Variants in ALG8 observed in about 807,000 individuals in gnomAD.
ALG8 encodes the protein dolichyl pyrophosphate Glc1Man9GlcNAc2 alpha-1,3-glucosyltransferase.
ALG8 carries 48 observed loss-of-function variants against 70.2 expected under a neutral mutation model. That is an observed-to-expected ratio of 0.68 (90% confidence interval 0.54 to 0.87). ALG8 has a LOEUF of 0.87. Ranked by LOEUF, ALG8 falls within the 40% of genes least tolerant of loss-of-function variation. ALG8 has a pLI of 0.00. For synonymous variants in ALG8, 234 were observed against 229.0 expected (o/e 1.02, Z -0.20); for missense variants, 572 against 608.7 (o/e 0.94, Z 0.64).
At chr11:78,128,297 C>A (rs1447234976) in intron 1 of ALG8, among the ~76,000 whole-genome samples, 1 of 152,164 alleles carries the variant, frequency 6.6e-6, no homozygotes, top group East Asian at 1.9e-4. Flanking sequence ...TAGAACAGTA[C>A]CTGACGCATG....
rs1267965436 is a variant in ALG8 at position 78,119,236 on chromosome 11, C to G, written c.492G>C (p.Gln164His). Reference protein sequence around the residue: ...GLLIVDHIHFQYNGFLFGLML... With the variant: ...GLLIVDHIHFHYNGFLFGLML... ...TTAATCCAAATAAAAAGCCATTGTA[C>G]TGAAAATGAATATCTGGACTTAGGT... Residue 164 changes from glutamine to histidine, a missense_variant, in exon 5 of 13, where the codon CAG becomes CAC. Transcript: ENST00000299626. The G allele has an allele frequency of 2.5e-6, 4 of 1,611,192 alleles. No individual in the cohort carries two copies. The East Asian group carries it at 6.7e-5, about 27-fold the overall frequency.
chr11:78,107,839 CA>C (rs59453362), intron 9 of ALG8: 34,112 of 77,678 alleles, frequency 0.44, 4,543 homozygotes, highest in Middle Eastern at 0.57. Context: ...GAGACTGTCT[CA>C]AAAAAAAAAA....
intron 10 of ALG8, among the ~76,000 whole-genome samples, chr11:78,106,441 C>G (rs1033899765): frequency 1.3e-5 from 2 of 152,196 alleles, no homozygotes; most frequent in African/African-American, 4.8e-5. Context: ...TCGTGATCTG[C>G]CCGCCTTGGC....
intron 2 of ALG8, among the ~76,000 whole-genome samples, chr11:78,125,778 C>T (rs546925316): frequency 7.8e-4 from 119 of 152,054 alleles, no homozygotes; most frequent in Admixed American, 1.8e-3. Context: ...CATTGCACTC[C>T]GGCCTGGGTG....
intron 7 of ALG8, 25 bp downstream of exon 7, chr11:78,113,861 G>GAAAAAAAAAAAAAAAAAAAAAAAA: frequency 1.6e-6 from 2 of 1,241,918 alleles, no homozygotes; most frequent in African/African-American, 2.1e-5. Flanking sequence ...TGTATTAATT[G>GAAAAAAAAAAAAAAAAAAAAAAAA]AAAAAAAAAA....
chr11:78,114,475 G>T (rs751144395), intron 5 of ALG8, 83 bp from the exon 6 acceptor site: 50 of 1,525,462 alleles, frequency 3.3e-5, no homozygotes, highest in Non-Finnish European at 4.3e-5. Flanking sequence ...TTGAATCCTG[G>T]AACAGAACAA....
intron 1 of ALG8, among the ~76,000 whole-genome samples, chr11:78,134,719 T>G (rs1861467995): frequency 6.6e-6 from 1 of 152,236 alleles, no homozygotes; most frequent in South Asian, 2.1e-4. Flanking sequence ...TGCTCATCCA[T>G]GAGAAGTAAC....
At chr11:78,123,600 T>C (rs183596283) in intron 3 of ALG8, among the ~76,000 whole-genome samples, 1 of 152,220 alleles carries the variant, frequency 6.6e-6, no homozygotes, top group African/African-American at 2.4e-5. Flanking sequence ...AAAGCAGACT[T>C]TGGTGGTTAG....
rs143596615 is a variant in ALG8, at chr11:78,117,019, C to T, written c.546+2163G>A. On this transcript the variant is annotated intron_variant, in intron 5 of 12. Transcript: ENST00000299626. ...GCATCCAACAAATATTCATTGAACA[C>T]CAGTTATATTCTAATTACTATGAAG... Among the ~76,000 whole-genome samples the T allele has an allele frequency of 5.9e-5, 9 of 152,234 alleles. No individual in the cohort carries two copies. The South Asian group carries it at 1.7e-3, about 28-fold the overall frequency.
At chr11:78,119,457 C>G (rs774033594) in intron 4 of ALG8, among the ~76,000 whole-genome samples, 6 of 131,312 alleles carry the variant, frequency 4.6e-5, no homozygotes, top group Non-Finnish European at 6.2e-5. Context: ...GAGATGGAGT[C>G]TCACTCTGTC....
chr11:78,105,121 C>A (rs950579217), intron 10 of ALG8, among the ~76,000 whole-genome samples: 1 of 152,292 alleles, frequency 6.6e-6, no homozygotes, highest in South Asian at 2.1e-4. Context: ...CAATGCCCTT[C>A]ACCTGCTGGT....
intron 10 of ALG8, among the ~76,000 whole-genome samples, chr11:78,106,322 C>T (rs983530745): frequency 6.6e-6 from 1 of 152,020 alleles, no homozygotes; most frequent in East Asian, 1.9e-4. Context: ...CTCAGCCTCC[C>T]GAGTAGCTGG....
At chr11:78,104,316 G>C (rs1373067546) in intron 11 of ALG8, 40 bp downstream of exon 11, 1 of 1,506,908 alleles carries the variant, frequency 6.6e-7, no homozygotes, top group Non-Finnish European at 9.0e-7. Flanking sequence ...TGAAAAGGTT[G>C]TGATAGTCAA....
In ALG8 at chr11:78,118,242, G is replaced by A. The variant is rs112659788; in HGVS notation, c.546+940C>T. 7.4e-3 allele frequency among the ~76,000 whole-genome samples: 1,134 copies of A among 152,230 alleles called. 8 individuals carry two copies. The highest frequency in any genetic ancestry group is 0.026 in the African/African-American group (1,092 of 41,552). On this transcript the variant is annotated intron_variant, in intron 5 of 12. Coordinates refer to ENST00000299626, the MANE Select transcript of ALG8 (RefSeq NM_024079.5). ...TAATCTTCATGCTGCTGACAGTAAA[G>A]TATCACTATCATAGTTATTATATTG...
chr11:78,130,025 C>G (rs550834306), intron 1 of ALG8, among the ~76,000 whole-genome samples: 1 of 151,968 alleles, frequency 6.6e-6, no homozygotes, highest in African/African-American at 2.4e-5. Flanking sequence ...AACAAAAATT[C>G]AAAAACAGGC....
chr11:78,122,025 C>T (rs904937877), intron 3 of ALG8, among the ~76,000 whole-genome samples: 2 of 152,026 alleles, frequency 1.3e-5, no homozygotes, highest in East Asian at 1.9e-4. Flanking sequence ...GATTAGTATA[C>T]GTGGGGGAGT....
At chr11:78,107,886 C>T (rs1860116814) in intron 9 of ALG8, 2 of 152,416 alleles carry the variant, frequency 1.3e-5, no homozygotes, top group African/African-American at 4.9e-5. Context: ...GTGACTCACG[C>T]CTGTAATCCC....
chr11:78,121,326 T>C (rs606459), intron 3 of ALG8, 152 bp from the exon 4 acceptor site: 4 of 672,320 alleles, frequency 5.9e-6, no homozygotes, highest in Admixed American at 4.8e-5. Context: ...TTTCTTTTTT[T>C]AGAAGGGATG....
rs537331382 is a variant in ALG8, at chr11:78,105,897, T to A, written c.1178+910A>T. On this transcript the variant is annotated intron_variant, in intron 10 of 12. Coordinates refer to ENST00000299626, the MANE Select transcript of ALG8 (RefSeq NM_024079.5). Reference sequence around the variant, plus strand: ...CTAATTTTTGTATTTTTAGTAGAGATGGGATTTTGCCATGTTGGCCAGGCT... The same window carrying A: ...CTAATTTTTGTATTTTTAGTAGAGAAGGGATTTTGCCATGTTGGCCAGGCT... 2.6e-5 allele frequency among the ~76,000 whole-genome samples: 4 copies of A among 151,634 alleles called. No homozygotes were observed. In the East Asian group the frequency reaches 7.9e-4, roughly 30 times the overall value.
Sources: gnomAD v4.1 joint callset for allele counts (sites outside exome capture counted in the v4.1 genomes callset) on GRCh38, gnomAD v4.1.1 for gene constraint, MANE v1.5 for transcripts, NCBI Gene and HGNC (gene_info 2026-07-23, HGNC 2026-07-21) for gene names.